ZNF44: variants seen among roughly 807,000 people sequenced by gnomAD.
The protein encoded by ZNF44 is zinc finger protein 44, also known as gonadotropin inducible transcription repressor-2.
Under a neutral mutation model 11.7 loss-of-function variants are expected in ZNF44, and 9 were observed. That is an observed-to-expected ratio of 0.77 (90% CI 0.46 to 1.35). The LOEUF (loss-of-function observed/expected upper bound fraction) is 1.35. ZNF44 is among the 40% of genes most tolerant of loss of function. ZNF44 has a pLI of 0.00. For missense variants in ZNF44, 696 were observed against 743.1 expected (o/e 0.94, Z 0.74); for synonymous variants, 224 against 242.7 (o/e 0.92, Z 0.72).
At chr19:12,244,227 G>C (rs963427638), downstream of ZNF44, among the ~76,000 whole-genome samples, 1 of 152,008 alleles carries the variant, frequency 6.6e-6, no homozygotes, top group Admixed American at 6.6e-5. Flanking sequence ...ATGTCGCCCA[G>C]GTTGGTCCCA....
chr19:12,281,847 TATGA>T (rs1185795831), intron 1 of ZNF44, among the ~76,000 whole-genome samples: 1 of 152,114 alleles, frequency 6.6e-6, no homozygotes, highest in Non-Finnish European at 1.5e-5. Flanking sequence ...ACCTAAGTAA[TATGA>T]ATAGGCCTGT....
chr19:12,273,687 C>T lies in ZNF44; in HGVS notation c.568G>A (p.Val190Ile). ...TTATAAGGTCCATCTCCACCTTTTA[C>T]TACCATATGTCTTCGAAGGTTTCCA... ...SPGNLRRHMV[V>I]KGGDGPYKCE... is the part of the protein sequence containing the mutation. The change falls in exon 4 of 4, where the codon GTA becomes ATA. Residue 190 changes from valine to isoleucine, a missense_variant. Coordinates refer to ENST00000355684, the MANE Select transcript of ZNF44 (RefSeq NM_016264.4). 1.2e-6 allele frequency: 2 copies of T among 1,614,168 alleles called. No homozygotes were observed. Among genetic ancestry groups the T allele is most frequent in the East Asian group, 4.5e-5 (2 of 44,872 alleles).
downstream of ZNF44, among the ~76,000 whole-genome samples, chr19:12,247,122 TG>T (rs1228487154): frequency 1.3e-5 from 2 of 152,152 alleles, no homozygotes; most frequent in African/African-American, 2.4e-5. Context: ...TATTTTTTCA[TG>T]GCATGAATTT....
chr19:12,266,554 T>G (rs1350763060), intron 5 of ZNF44, among the ~76,000 whole-genome samples: 1 of 151,812 alleles, frequency 6.6e-6, no homozygotes, highest in African/African-American at 2.4e-5. Context: ...CCCCCTGGGG[T>G]GGGGGACACA....
chr19:12,231,949 C>T (rs1371705254), intron 2 of ZNF44, among the ~76,000 whole-genome samples: 2 of 152,180 alleles, frequency 1.3e-5, no homozygotes, highest in African/African-American at 2.4e-5. Flanking sequence ...ACCCAGGGAA[C>T]CAGAGTTCAG....
intron 1 of ZNF44, among the ~76,000 whole-genome samples, chr19:12,236,743 T>A (rs1568421058): frequency 6.6e-6 from 1 of 152,204 alleles, no homozygotes; most frequent in African/African-American, 2.4e-5. Flanking sequence ...CTTTATCTTA[T>A]AAGGTCACTG....
chr19:12,271,761 GA>G (rs1007715007), downstream of ZNF44: 7 of 152,120 alleles, frequency 4.6e-5, no homozygotes, highest in Admixed American at 1.3e-4. Context: ...AACACATATA[GA>G]TTTTTTTTCT....
At chr19:12,271,160 C>G (rs1966937566), downstream of ZNF44, among the ~76,000 whole-genome samples, 1 of 152,108 alleles carries the variant, frequency 6.6e-6, no homozygotes, top group Admixed American at 6.5e-5. Context: ...CATCTATAGC[C>G]TCTGCAAGTT....
chr19:12,243,389 C>T (rs1916684197), downstream of ZNF44, among the ~76,000 whole-genome samples: 1 of 152,164 alleles, frequency 6.6e-6, no homozygotes, highest in African/African-American at 2.4e-5. Flanking sequence ...CCCTCTGCCT[C>T]GGAGTTTAAG....
upstream of ZNF44, among the ~76,000 whole-genome samples, chr19:12,242,249 T>G (rs1476782523): frequency 1.3e-5 from 2 of 152,172 alleles, no homozygotes; most frequent in Admixed American, 6.5e-5. Context: ...GGCTCACGCC[T>G]GTAATCCCAG....
At chr19:12,267,586 A>G (rs1035536179), downstream of ZNF44, among the ~76,000 whole-genome samples, 1 of 152,118 alleles carries the variant, frequency 6.6e-6, no homozygotes, top group Admixed American at 6.6e-5. Flanking sequence ...AAGGGGCCCA[A>G]GAGTCTATCA....
chr19:12,253,391 T>C lies in ZNF44; in HGVS notation c.1913-3023A>G, dbSNP rs942214047. On this transcript the variant is annotated intron_variant and NMD_transcript_variant, in intron 5 of 7. Transcript: ENST00000393337. ...TTTTAGTAGAGAGAGGGTTTTGTCA[T>C]GTTGGCCAGGCTGGTCTCAAACTCC... Among the ~76,000 whole-genome samples the C allele has an allele frequency of 2.6e-4, 39 of 151,668 alleles. 1 individual carries two copies. Among genetic ancestry groups the C allele is most frequent in the Admixed American group, 2.0e-4 (3 of 15,240 alleles).
chr19:12,266,024 C>T (rs538763980), intron 5 of ZNF44, among the ~76,000 whole-genome samples: 1 of 152,308 alleles, frequency 6.6e-6, no homozygotes, highest in East Asian at 1.9e-4. Context: ...CCTGCGGGCG[C>T]GGAGCTGCCC....
Position 12,272,914 on chromosome 19 carries a change from T to C in ZNF44, c.1341A>G (p.Gln447=). ...RKHETTHTGE[Q]PYKCKCGKAF... is the part of the protein sequence containing the mutation. Reference sequence around the variant, plus strand: ...CTTTTCCACATTTACATTTATAGGGTTGCTCTCCAGTGTGTGTTGTTTCAT... The same window carrying C: ...CTTTTCCACATTTACATTTATAGGGCTGCTCTCCAGTGTGTGTTGTTTCAT... The change falls in exon 4 of 4, where the codon CAA becomes CAG. Residue 447 remains glutamine (Q), a synonymous_variant. Transcript: ENST00000355684. 6.2e-7 allele frequency: 1 copy of C among 1,613,934 alleles called. No homozygotes were observed. Among genetic ancestry groups the C allele is most frequent in the African/African-American group, 1.3e-5 (1 of 74,992 alleles).
chr19:12,256,697 C>CTTTTT (rs950614463), intron 5 of ZNF44, among the ~76,000 whole-genome samples: 4 of 102,784 alleles, frequency 3.9e-5, no homozygotes, highest in African/African-American at 9.7e-5. Flanking sequence ...AGCAATTACT[C>CTTTTT]TTTTTTTTTT....
At chr19:12,291,693 CA>C (rs997223160) in intron 1 of ZNF44, among the ~76,000 whole-genome samples, 18 of 144,400 alleles carry the variant, frequency 1.2e-4, no homozygotes, top group East Asian at 8.1e-4. Context: ...GACCATGTCT[CA>C]AAAAAAAAAG....
chr19:12,260,143 A>G, intron 5 of ZNF44: 1 of 744,490 alleles, frequency 1.3e-6, no homozygotes, highest in South Asian at 1.4e-5. Context: ...CGCATCTGCA[A>G]TGGATGGTCG....
chr19:12,293,203 G>A (rs1459449265), intron 1 of ZNF44: 10 of 1,530,730 alleles, frequency 6.5e-6, no homozygotes, highest in Non-Finnish European at 8.8e-6. Flanking sequence ...TGATATACCA[G>A]AAGATTCCTC....
At chr19:12,284,738 G>A (rs1390829286) in intron 1 of ZNF44, 5 of 761,090 alleles carry the variant, frequency 6.6e-6, no homozygotes, top group Non-Finnish European at 4.6e-6. Flanking sequence ...AGTGCTCCAA[G>A]GAGGCAGCCA....
Sources: gnomAD v4.1 joint callset for allele counts (sites outside exome capture counted in the v4.1 genomes callset) on GRCh38, gnomAD v4.1.1 for gene constraint, MANE v1.5 for transcripts, NCBI Gene and HGNC (gene_info 2026-07-23, HGNC 2026-07-21) for gene names.